TRIM9: variants seen among roughly 807,000 people sequenced by gnomAD.
TRIM9 encodes tripartite motif containing 9.
A neutral mutation model predicts 78.3 loss-of-function variants in TRIM9; 26 were observed. The ratio of observed to expected loss-of-function variants is 0.33; its 90% CI spans 0.24 to 0.46. TRIM9 has a LOEUF of 0.46. Ranked by LOEUF, TRIM9 falls within the 20% of genes least tolerant of loss-of-function variation. The probability of loss-of-function intolerance (pLI) is 1.00; values close to 1 mark genes in which losing one functional copy is unlikely to be tolerated. For synonymous variants in TRIM9, 398 were observed against 416.5 expected (o/e 0.96, Z 0.54); for missense variants, 787 against 1,036.4 (o/e 0.76, Z 3.30).
rs1346716506 is a variant in TRIM9, at chr14:51,031,595, G to A, written c.823-6235C>T. 2.0e-5 allele frequency among the ~76,000 whole-genome samples: 3 copies of A among 152,116 alleles called. No homozygotes were observed. In the East Asian group the frequency reaches 5.8e-4, roughly 29 times the overall value. The stretch of plus-strand genomic sequence containing the variant: ...TATTCCCTCATTCCCCTTGTAAAGT[G>A]CCCAGTCACCTCTGTACAAATCGAA... On this transcript the variant is annotated intron_variant, in intron 1 of 12. Coordinates refer to ENST00000684578, the MANE Select transcript of TRIM9 (RefSeq NM_001387360.1).
At chr14:51,082,555 C>T (rs1030485917) in intron 1 of TRIM9, among the ~76,000 whole-genome samples, 3 of 152,146 alleles carry the variant, frequency 2.0e-5, no homozygotes, top group Non-Finnish European at 4.4e-5. Context: ...ATGAAATATC[C>T]TGATTACACA....
At position 50,975,339 on chromosome 14, in the gene TRIM9, TA is replaced by T. The variant is rs2051016746; in HGVS notation, c.*1951del. On this transcript the variant is annotated 3_prime_UTR_variant, in exon 13 of 13. Coordinates refer to ENST00000684578, the MANE Select transcript of TRIM9 (RefSeq NM_001387360.1). ...CTAGTATAGTAGTTGTATGCATCTG[TA>T]ATTGCAATTCAGTGTAAACTACATG... 1.3e-5 allele frequency: 2 copies of T among 152,712 alleles called. No individual in the cohort carries two copies. The highest frequency in any genetic ancestry group is 4.8e-5 in the African/African-American group (2 of 41,478). The allele number at this position is 152,712 out of a possible 1,614,324, so 9.5% of individuals were successfully genotyped here. A position where few individuals can be genotyped will look rare whatever the true frequency, so the allele number is the denominator to read the frequency against.
intron 5 of TRIM9, among the ~76,000 whole-genome samples, chr14:51,001,391 G>C (rs1023900941): frequency 6.6e-6 from 1 of 151,874 alleles, no homozygotes; most frequent in Non-Finnish European, 1.5e-5. Flanking sequence ...CACCACGCCC[G>C]GCTAATTTTT....
rs764332094 is a variant in TRIM9 at position 50,979,427 on chromosome 14, C to A, written c.2285G>T (p.Gly762Val). 9.9e-6 allele frequency: 16 copies of A among 1,614,176 alleles called. No homozygotes were observed. The highest frequency in any genetic ancestry group is 1.3e-5 in the Non-Finnish European group (15 of 1,180,034). The part of the protein sequence containing the change: ...QGPIAFDNVE[G>V]LFFPAVSLNR... ...CAGGCTGACCGCAGGGAAGAAGAGG[C>A]CCTCCACGTTATCAAATGCTATGGG... The change falls in exon 12 of 13, where the codon GGC becomes GTC. Residue 762 changes from glycine (G) to valine (V), a missense_variant. Coordinates refer to ENST00000684578, the MANE Select transcript of TRIM9 (RefSeq NM_001387360.1).
At chr14:50,993,522 C>A (rs2053802834) in intron 7 of TRIM9, among the ~76,000 whole-genome samples, 1 of 152,142 alleles carries the variant, frequency 6.6e-6, no homozygotes, top group Admixed American at 6.5e-5. Context: ...GCGCCCGCCA[C>A]CACACCCAGC....
rs146284438 is a variant in TRIM9 at position 50,998,123 on chromosome 14, G to A, written c.1530C>T (p.Asn510=). The A allele has an allele frequency of 1.6e-5, 26 of 1,614,094 alleles. No individual in the cohort carries two copies. Among genetic ancestry groups the A allele is most frequent in the Non-Finnish European group, 2.0e-5 (24 of 1,180,046 alleles). ...TTTTGTTGAAGGCCTTGACCCGAGC[G>A]TTGTATGTGCTGTTGAAGTGAAGAC... ...VDGLHFNSTY[N]ARVKAFNKTG... is the part of the protein sequence containing the mutation. The change falls in exon 7 of 13, where the codon AAC becomes AAT. Residue 510 remains asparagine, a synonymous_variant. Transcript: ENST00000684578.
intron 6 of TRIM9, among the ~76,000 whole-genome samples, chr14:50,999,709 C>T (rs1373393943): frequency 1.3e-5 from 2 of 152,116 alleles, no homozygotes; most frequent in Non-Finnish European, 2.9e-5. Flanking sequence ...ACAGGGGTCT[C>T]CTCTTCATCA....
chr14:51,017,286 A>C (rs967925792), intron 3 of TRIM9, among the ~76,000 whole-genome samples: 3 of 152,226 alleles, frequency 2.0e-5, no homozygotes, highest in African/African-American at 4.8e-5. Context: ...ACACTGGCAA[A>C]CTAATCACTT....
At chr14:51,075,773 C>T (rs547607456) in intron 1 of TRIM9, among the ~76,000 whole-genome samples, 2 of 152,272 alleles carry the variant, frequency 1.3e-5, no homozygotes, top group African/African-American at 4.8e-5. Context: ...TGGGTCTGAT[C>T]GATCTGAATT....
intron 1 of TRIM9, among the ~76,000 whole-genome samples, chr14:51,079,922 G>A (rs1201848199): frequency 6.6e-6 from 1 of 152,336 alleles, no homozygotes; most frequent in African/African-American, 2.4e-5. Context: ...GGAGACTACA[G>A]AGGGAGAATG....
At chr14:51,073,605 G>A (rs370455492) in intron 1 of TRIM9, among the ~76,000 whole-genome samples, 1 of 152,236 alleles carries the variant, frequency 6.6e-6, no homozygotes, top group Non-Finnish European at 1.5e-5. Flanking sequence ...TTACCATGCT[G>A]CTAGAAGGTT....
chr14:51,069,640 C>T (rs1004335576), intron 1 of TRIM9, among the ~76,000 whole-genome samples: 7 of 152,216 alleles, frequency 4.6e-5, no homozygotes, highest in African/African-American at 1.4e-4. Flanking sequence ...TAAAGCAACA[C>T]TTAAAATCAG....
chr14:51,040,771 T>C (rs7143008), intron 1 of TRIM9, among the ~76,000 whole-genome samples: 5,191 of 152,302 alleles, frequency 0.034, 315 homozygotes, highest in African/African-American at 0.12. Flanking sequence ...GAACCACAGA[T>C]TCCTTCTCTG....
At chr14:51,083,323 C>T (rs979197161) in intron 1 of TRIM9, among the ~76,000 whole-genome samples, 7 of 152,138 alleles carry the variant, frequency 4.6e-5, no homozygotes, top group African/African-American at 1.4e-4. Flanking sequence ...GTAATCATGG[C>T]TCACTGTAAT....
At position 50,981,853 on chromosome 14, in the gene TRIM9, C is replaced by T. The variant is rs1303600058; in HGVS notation, c.2109G>A (p.Met703Ile). Residue 703 changes from methionine to isoleucine, a missense_variant, in exon 11 of 13, where the codon ATG becomes ATA. This residue lies in a region of TRIM9 where 421 missense variants were observed against 514.3 expected (regional missense o/e 0.82). Transcript: ENST00000684578. ...MLGKDDKAWA[M>I]YVDNNRSWFM... The stretch of plus-strand genomic sequence containing the variant: ...ACCAGCTCCGGTTATTGTCCACATA[C>T]ATTGCCCAAGCTTTGTCGTCTTTTC... 1.2e-6 allele frequency: 2 copies of T among 1,614,246 alleles called. No homozygotes were observed. Among genetic ancestry groups the T allele is most frequent in the South Asian group, 1.1e-5 (1 of 91,088 alleles).
chr14:51,057,226 T>C (rs955909969), intron 1 of TRIM9, among the ~76,000 whole-genome samples: 1 of 152,240 alleles, frequency 6.6e-6, no homozygotes, highest in Admixed American at 6.5e-5. Context: ...TGAGTGGCTA[T>C]TGAAGCAAAT....
Position 51,027,288 on chromosome 14 carries a change from C to T in TRIM9, c.823-1928G>A, listed in dbSNP as rs1037047747. On this transcript the variant is annotated intron_variant, in intron 1 of 12. Coordinates refer to ENST00000684578, the MANE Select transcript of TRIM9 (RefSeq NM_001387360.1). ...CCTCCCGAATAGCTGGGATTACAGC[C>T]GTGCACCACCACACCGAGTGAACTT... 3.9e-5 allele frequency among the ~76,000 whole-genome samples: 6 copies of T among 151,964 alleles called. No homozygotes were observed. In the East Asian group the frequency reaches 5.8e-4, roughly 15 times the overall value.
chr14:51,090,530 G>A (rs1340505790), intron 1 of TRIM9: 1 of 152,140 alleles, frequency 6.6e-6, no homozygotes, highest in Non-Finnish European at 1.5e-5. Context: ...AGAATAGAAA[G>A]GAAAAGAAAA....
At chr14:51,054,615 C>T (rs2060737793) in intron 1 of TRIM9, among the ~76,000 whole-genome samples, 1 of 151,910 alleles carries the variant, frequency 6.6e-6, no homozygotes, top group Non-Finnish European at 1.5e-5. Context: ...GAGTTTCGCT[C>T]TGTCGCCAAG....
Sources: gnomAD v4.1 joint callset for allele counts (sites outside exome capture counted in the v4.1 genomes callset) on GRCh38, gnomAD v4.1.1 for gene constraint, gnomAD v4.1.1 regional missense constraint, MANE v1.5 for transcripts, NCBI Gene and HGNC (gene_info 2026-07-23, HGNC 2026-07-21) for gene names.